KLHDC10: variants seen among roughly 807,000 people sequenced by gnomAD.
The protein encoded by KLHDC10 is kelch domain containing 10.
KLHDC10 carries 24 observed loss-of-function variants against 56.1 expected under a neutral mutation model. The ratio of observed to expected loss-of-function variants is 0.43; its 90% confidence interval spans 0.31 to 0.60. KLHDC10 has a LOEUF of 0.60. Ranked by LOEUF, KLHDC10 falls within the 20% of genes least tolerant of loss-of-function variation. The pLI is 0.11. For missense variants in KLHDC10, 349 were observed against 567.0 expected, an observed-to-expected ratio of 0.62 and a Z score of 3.91; for synonymous variants, 188 against 207.1, an observed-to-expected ratio of 0.91 and a Z score of 0.79.
intron 1 of KLHDC10, among the ~76,000 whole-genome samples, chr7:130,076,044 G>A (rs1244216950): frequency 6.6e-6 from 1 of 152,108 alleles, no homozygotes; most frequent in Non-Finnish European, 1.5e-5. Context: ...GACCGGGATG[G>A]TGGGGTGGAG....
chr7:130,117,362 C>A (rs1796182439), intron 3 of KLHDC10, among the ~76,000 whole-genome samples: 1 of 152,138 alleles, frequency 6.6e-6, no homozygotes, highest in African/African-American at 2.4e-5. Flanking sequence ...CTCTTCCTTT[C>A]ACAAAAGATT....
At chr7:130,077,093 G>A (rs1448194652) in intron 1 of KLHDC10, among the ~76,000 whole-genome samples, 2 of 151,860 alleles carry the variant, frequency 1.3e-5, no homozygotes, top group Admixed American at 6.6e-5. Flanking sequence ...GGGGGCTCAC[G>A]CCTTTAATCC....
intron 1 of KLHDC10, among the ~76,000 whole-genome samples, chr7:130,094,133 C>G (rs1474925781): frequency 6.6e-6 from 1 of 151,898 alleles, no homozygotes; most frequent in African/African-American, 2.4e-5. Flanking sequence ...GGCATGTTGG[C>G]CAGGCTGGTC....
intron 5 of KLHDC10, among the ~76,000 whole-genome samples, chr7:130,124,200 T>TA (rs143160725): frequency 0.016 from 2,477 of 152,278 alleles, 76 homozygotes; most frequent in African/African-American, 0.057. Context: ...TGCAATTGAT[T>TA]AAAAAATAAT....
At position 130,133,787 on chromosome 7, in the gene KLHDC10, G is replaced by T. The variant is rs1264771573; in HGVS notation, c.*3041G>T. ...CTCCTATGTATATACTAATTTATCTGGGAATGTAATACTTTATTAAATGAA... is the reference window on the plus strand; with the variant it reads ...CTCCTATGTATATACTAATTTATCTTGGAATGTAATACTTTATTAAATGAA... On this transcript the variant is annotated 3_prime_UTR_variant, in exon 10 of 10. Transcript: ENST00000335420. The T allele has an allele frequency of 6.6e-6, 1 of 152,076 alleles. No individual in the cohort carries two copies. The highest frequency in any genetic ancestry group is 1.5e-5 in the Non-Finnish European group (1 of 68,012). 9.4% of individuals were successfully genotyped at this position (152,076 alleles called of 1,614,324 possible).
At chr7:130,111,824 A>G (rs1796105790) in intron 2 of KLHDC10, among the ~76,000 whole-genome samples, 1 of 152,216 alleles carries the variant, frequency 6.6e-6, no homozygotes, top group Admixed American at 6.5e-5. Flanking sequence ...GAAGAAATAC[A>G]AATGGGCCAA....
Position 130,074,771 on chromosome 7 carries a change from GT to G in KLHDC10, c.166+3963del, listed in dbSNP as rs1795474626. On this transcript the variant is annotated intron_variant, in intron 1 of 9. Transcript: ENST00000335420. ...GTTGGGATTATAGGTGCGCGCCACT[GT>G]GCTACTTTTTGTATTTTTAGTAGAG... Among the ~76,000 whole-genome samples, 10 of 152,026 alleles carry G rather than the reference GT, an allele frequency of 6.6e-5. 1 individual carries two copies. In the South Asian group the frequency reaches 1.9e-3, roughly 28 times the overall value.
chr7:130,107,843 C>CAAAAAAAAA (rs3043725), intron 2 of KLHDC10, among the ~76,000 whole-genome samples: 2 of 26,036 alleles, frequency 7.7e-5, no homozygotes, highest in African/African-American at 4.7e-4. Flanking sequence ...GACTCCGTCT[C>CAAAAAAAAA]AAAAAAAAAA....
At position 130,130,688 on chromosome 7, in the gene KLHDC10, C is replaced by G. The variant is rs1796388523; in HGVS notation, c.1271C>G (p.Ser424Cys). ...GCCTTCCCTAACCTTGCAAACCTCTCCCGAACACAACTTCTGCACCTTGGA... is the reference window on the plus strand; with the variant it reads ...GCCTTCCCTAACCTTGCAAACCTCTGCCGAACACAACTTCTGCACCTTGGA... ...LAAFPNLANL[S>C]RTQLLHLGLT... Residue 424 changes from serine (S) to cysteine (C), a missense_variant, in exon 10 of 10, where the codon TCC (serine) becomes TGC (cysteine). Transcript: ENST00000335420. This position sits in a 1 kb window ranked among gnomAD's most constrained non-coding sequence, Gnocchi z 4.2. 3 of 1,614,136 alleles carry G rather than the reference C, an allele frequency of 1.9e-6. No homozygotes were observed. The highest frequency in any genetic ancestry group is 2.5e-6 in the Non-Finnish European group (3 of 1,180,032).
intron 3 of KLHDC10, among the ~76,000 whole-genome samples, chr7:130,119,582 G>A (rs1280050009): frequency 5.6e-4 from 77 of 137,408 alleles, no homozygotes; most frequent in African/African-American, 1.9e-3. Context: ...GGTGGCTCAC[G>A]CCTGTAATCC....
chr7:130,130,706 A>C lies in KLHDC10; in HGVS notation c.1289A>C (p.His430Pro). The C allele has an allele frequency of 1.2e-6, 2 of 1,614,130 alleles. No individual in the cohort carries two copies. Among genetic ancestry groups the C allele is most frequent in the Non-Finnish European group, 8.5e-7 (1 of 1,180,008 alleles). Residue 430 changes from histidine to proline, a missense_variant, in exon 10 of 10, where the codon CAC becomes CCC. By Grantham distance (77) the His-to-Pro change is moderately conservative. Coordinates refer to ENST00000335420, the MANE Select transcript of KLHDC10 (RefSeq NM_014997.4). This position sits in a 1 kb window ranked among gnomAD's most constrained non-coding sequence, Gnocchi z 4.2. ...LANLSRTQLL[H>P]LGLTQGLIER... is the part of the protein sequence containing the mutation. The stretch of plus-strand genomic sequence containing the variant: ...AACCTCTCCCGAACACAACTTCTGC[A>C]CCTTGGACTCACACAGGGACTCATC...
chr7:130,092,006 A>G (rs1421410296), intron 1 of KLHDC10, among the ~76,000 whole-genome samples: 1 of 152,232 alleles, frequency 6.6e-6, no homozygotes. Flanking sequence ...GTGTCCCAGG[A>G]CAATTTGTTG....
At chr7:130,111,169 C>T (rs1209091138) in intron 2 of KLHDC10, among the ~76,000 whole-genome samples, 1 of 152,024 alleles carries the variant, frequency 6.6e-6, no homozygotes, top group Non-Finnish European at 1.5e-5. Flanking sequence ...TAGAGCCCTA[C>T]CTTATACAAC....
chr7:130,091,715 C>T (rs17164379), intron 1 of KLHDC10, among the ~76,000 whole-genome samples: 18,274 of 152,060 alleles, frequency 0.12, 1,284 homozygotes, highest in East Asian at 0.3. Flanking sequence ...GATTATAGTT[C>T]TGAATGTTAG....
rs553918000 is a variant in KLHDC10, at chr7:130,091,542, A to T, written c.167-5379A>T. On this transcript the variant is annotated intron_variant, in intron 1 of 9. Transcript: ENST00000335420. Reference sequence around the variant, plus strand: ...CAGTGAAGCCAGCTAGTATTCTTAAATCTTTTACACAATACCTCAATTTAT... The same window carrying T: ...CAGTGAAGCCAGCTAGTATTCTTAATTCTTTTACACAATACCTCAATTTAT... Among the ~76,000 whole-genome samples the T allele has an allele frequency of 2.6e-5, 4 of 152,220 alleles. No homozygotes were observed. The East Asian group carries it at 7.7e-4, about 29-fold the overall frequency.
At position 130,134,129 on chromosome 7, in the gene KLHDC10, T is replaced by C. The variant is rs1426146475; in HGVS notation, c.*3383T>C. On this transcript the variant is annotated 3_prime_UTR_variant, in exon 10 of 10. Coordinates refer to ENST00000335420, the MANE Select transcript of KLHDC10 (RefSeq NM_014997.4). ...CCATAGATAATCAGTGAATCAACTT[T>C]CCTACCAAACAATAGATTCATTTAC... 1 of 152,240 alleles carries C rather than the reference T, an allele frequency of 6.6e-6. No individual in the cohort carries two copies. The highest frequency in any genetic ancestry group is 2.4e-5 in the African/African-American group (1 of 41,468). The allele number at this position is 152,240 out of a possible 1,614,324, so 9.4% of individuals were successfully genotyped here.
At chr7:130,102,117 A>G (rs924508526) in intron 2 of KLHDC10, among the ~76,000 whole-genome samples, 1 of 152,192 alleles carries the variant, frequency 6.6e-6, no homozygotes, top group African/African-American at 2.4e-5. Flanking sequence ...TATGCATTAA[A>G]GGACAATACT....
intron 8 of KLHDC10, 119 bp from the exon 9 acceptor site, chr7:130,129,318 G>A (rs758169600): frequency 2.8e-5 from 31 of 1,116,014 alleles, no homozygotes; most frequent in Non-Finnish European, 4.0e-5. Context: ...AGTCGTCTGT[G>A]TCATGGGGCA....
At position 130,125,888 on chromosome 7, in the gene KLHDC10, G is replaced by T; in HGVS notation, c.888G>T (p.Thr296=). 6.2e-7 allele frequency: 1 copy of T among 1,601,656 alleles called. No homozygotes were observed. Among genetic ancestry groups the T allele is most frequent in the South Asian group, 1.1e-5 (1 of 87,994 alleles). ...AGATCCATGCATACAACCTTGAAACGAATGCCTGGGAGGAAATTGCAACAA... is the reference window on the plus strand; with the variant it reads ...AGATCCATGCATACAACCTTGAAACTAATGCCTGGGAGGAAATTGCAACAA... ...LNKIHAYNLE[T]NAWEEIATKP... Residue 296 remains threonine (T), a synonymous_variant, in exon 7 of 10, where the codon ACG becomes ACT. Transcript: ENST00000335420.
Sources: allele counts gnomAD v4.1 joint callset (sites outside exome capture counted in the v4.1 genomes callset), GRCh38; gene constraint gnomAD v4.1.1; non-coding constraint Gnocchi (gnomAD v3.1); transcripts MANE v1.5; gene names NCBI Gene and HGNC (gene_info 2026-07-23, HGNC 2026-07-21).